Variants in CEP85L observed in about 807,000 individuals in gnomAD.
CEP85L encodes centrosomal protein of 85 kDa-like.
Under a neutral mutation model 100.3 loss-of-function variants are expected in CEP85L, and 60 were observed. The observed-to-expected ratio is 0.60, with a 90% CI of 0.49 to 0.74. CEP85L has a LOEUF of 0.74. Ranked by LOEUF, CEP85L falls within the 30% of genes least tolerant of loss-of-function variation. The pLI, the probability that CEP85L is intolerant of heterozygous loss-of-function variation, is 0.00. For missense variants in CEP85L, 973 were observed against 936.2 expected, an observed-to-expected ratio of 1.04 and a Z score of -0.51; for synonymous variants, 319 against 322.7, an observed-to-expected ratio of 0.99 and a Z score of 0.12.
intron 1 of CEP85L, among the ~76,000 whole-genome samples, chr6:118,686,078 G>T (rs749283471): frequency 2.6e-5 from 4 of 152,198 alleles, no homozygotes. Context: ...GCGCAGCCTG[G>T]TGCTCTCTTG....
At chr6:118,570,123 G>A (rs978749192) in intron 2 of CEP85L, among the ~76,000 whole-genome samples, 18 of 152,004 alleles carry the variant, frequency 1.2e-4, no homozygotes, top group African/African-American at 1.7e-4. Context: ...GAAAAGATCC[G>A]AAAGAATACA....
intron 2 of CEP85L, among the ~76,000 whole-genome samples, chr6:118,631,662 A>AT (rs1211266034): frequency 6.6e-6 from 1 of 152,226 alleles, no homozygotes; most frequent in Non-Finnish European, 1.5e-5. Context: ...TGGACTGTTG[A>AT]TACATGTAAC....
intron 2 of CEP85L, among the ~76,000 whole-genome samples, chr6:118,632,081 C>A (rs973552890): frequency 2.0e-5 from 3 of 152,170 alleles, no homozygotes; most frequent in Non-Finnish European, 2.9e-5. Flanking sequence ...GCTCCGCCTC[C>A]TGGGTTCACG....
At chr6:118,510,804 C>A (rs980234140) in intron 5 of CEP85L, among the ~76,000 whole-genome samples, 2 of 151,988 alleles carry the variant, frequency 1.3e-5, no homozygotes, top group Non-Finnish European at 1.5e-5. Flanking sequence ...AAACTGAAAA[C>A]AACTCAAATT....
At chr6:118,496,379 T>G in intron 5 of CEP85L, among the ~76,000 whole-genome samples, 1 of 151,146 alleles carries the variant, frequency 6.6e-6, no homozygotes, top group Non-Finnish European at 1.5e-5. Flanking sequence ...TTATTTTATT[T>G]TATTTTATTT....
At chr6:118,645,095 G>A (rs1775095728) in intron 1 of CEP85L, among the ~76,000 whole-genome samples, 1 of 152,158 alleles carries the variant, frequency 6.6e-6, no homozygotes, top group Admixed American at 6.5e-5. Flanking sequence ...TCACCTCACA[G>A]TCCTGCTCAC....
intron 5 of CEP85L, among the ~76,000 whole-genome samples, chr6:118,498,516 T>C (rs1348027308): frequency 2.0e-5 from 3 of 151,080 alleles, no homozygotes; most frequent in Non-Finnish European, 4.4e-5. Flanking sequence ...ATCTAGCAGC[T>C]TGGGAGGCCA....
chr6:118,557,005 C>G lies in CEP85L; in HGVS notation c.1020+8524G>C, dbSNP rs199632670. Among the ~76,000 whole-genome samples, 8 of 152,118 alleles carry G rather than the reference C, an allele frequency of 5.3e-5. No individual in the cohort carries two copies. The East Asian group carries it at 1.5e-3, about 29-fold the overall frequency. ...AAAGAAGGCATGATGGAAACTACTA[C>G]TATTAAGTAGAAGTCTGTAAATAGG... On this transcript the variant is annotated intron_variant, in intron 3 of 12. Coordinates refer to ENST00000368491, the MANE Select transcript of CEP85L (RefSeq NM_001042475.3).
At chr6:118,515,348 A>T (rs1035463767) in intron 4 of CEP85L, among the ~76,000 whole-genome samples, 10 of 152,222 alleles carry the variant, frequency 6.6e-5, no homozygotes, top group African/African-American at 2.4e-4. Flanking sequence ...CAGAAAATCA[A>T]GAGAATATAA....
chr6:118,520,758 A>T (rs1487581603), intron 4 of CEP85L, among the ~76,000 whole-genome samples: 1 of 152,148 alleles, frequency 6.6e-6, no homozygotes, highest in Admixed American at 6.5e-5. Context: ...CTTTCAAAAA[A>T]CTTCATTTTT....
intron 2 of CEP85L, among the ~76,000 whole-genome samples, chr6:118,626,098 G>T (rs968380704): frequency 2.0e-5 from 3 of 152,114 alleles, no homozygotes; most frequent in Non-Finnish European, 4.4e-5. Flanking sequence ...CTGTTTAGAG[G>T]GGGGACTGAG....
chr6:118,581,815 A>T (rs567526790), intron 2 of CEP85L, among the ~76,000 whole-genome samples: 8 of 152,274 alleles, frequency 5.3e-5, no homozygotes, highest in Admixed American at 4.6e-4. Context: ...CTTTGAAAAA[A>T]AAGTGACTCA....
In CEP85L at chr6:118,474,897, C is replaced by A. The variant is rs147988975; in HGVS notation, c.1915-4253G>T. 1.7e-3 allele frequency among the ~76,000 whole-genome samples: 254 copies of A among 152,218 alleles called. 1 individual carries two copies. The highest frequency in any genetic ancestry group is 5.8e-3 in the African/African-American group (241 of 41,518). ...AGGCTAAATCCATAGACTACTTTCC[C>A]AGGGAAAAACAGTGAGATAGCTGGG... On this transcript the variant is annotated intron_variant, in intron 10 of 12. Coordinates refer to ENST00000368491, the MANE Select transcript of CEP85L (RefSeq NM_001042475.3).
At chr6:118,680,547 C>A (rs1452769980) in intron 1 of CEP85L, among the ~76,000 whole-genome samples, 1 of 151,956 alleles carries the variant, frequency 6.6e-6, no homozygotes, top group African/African-American at 2.4e-5. Flanking sequence ...TTCTAACCAG[C>A]TGGGTTTCTG....
intron 2 of CEP85L, among the ~76,000 whole-genome samples, chr6:118,592,343 T>C (rs2115127614): frequency 6.6e-6 from 1 of 151,726 alleles, no homozygotes; most frequent in East Asian, 1.9e-4. Flanking sequence ...TTTTTTTTTT[T>C]TTTTTGATCA....
At chr6:118,492,769 T>A (rs1188730421) in intron 5 of CEP85L, among the ~76,000 whole-genome samples, 1 of 152,146 alleles carries the variant, frequency 6.6e-6, no homozygotes, top group Admixed American at 6.6e-5. Context: ...CAGTTTAATG[T>A]GTCATACACA....
chr6:118,473,562 C>T (rs1277193157), intron 10 of CEP85L, among the ~76,000 whole-genome samples: 1 of 147,100 alleles, frequency 6.8e-6, no homozygotes, highest in Admixed American at 6.8e-5. Flanking sequence ...GATTTTTATT[C>T]TGGAAAAAAA....
At chr6:118,527,529 ATAT>A (rs1777049489) in intron 3 of CEP85L, among the ~76,000 whole-genome samples, 1 of 152,070 alleles carries the variant, frequency 6.6e-6, no homozygotes, top group Admixed American at 6.5e-5. Flanking sequence ...ACTATAAACA[ATAT>A]TATTAACAGA....
chr6:118,469,364 A>G, intron 11 of CEP85L, 61 bp from the exon 12 acceptor site: 1 of 1,317,064 alleles, frequency 7.6e-7, no homozygotes, highest in Non-Finnish European at 1.1e-6. Context: ...ACTCAAAGCC[A>G]TACAGGTTAA....
Sources: gnomAD v4.1 joint callset for allele counts (sites outside exome capture counted in the v4.1 genomes callset) on GRCh38, gnomAD v4.1.1 for gene constraint, MANE v1.5 for transcripts, NCBI Gene and HGNC (gene_info 2026-07-23, HGNC 2026-07-21) for gene names.